Variants in PRH1 observed in about 807,000 individuals in gnomAD.
The protein encoded by PRH1 is salivary acidic proline-rich phosphoprotein 1/2.
Under a neutral mutation model 7.9 loss-of-function variants are expected in PRH1, and 7 were observed. The ratio of observed to expected loss-of-function variants is 0.89; its 90% CI spans 0.50 to 1.67. The LOEUF is 1.67. Among genes scored for constraint, PRH1 ranks in the 40% most tolerant of loss-of-function variants. The pLI is 0.00. For missense variants in PRH1, 109 were observed against 223.6 expected (o/e 0.49, Z 3.27); for synonymous variants, 45 against 80.8 (o/e 0.56, Z 2.38).
intron 2 of PRH1, among the ~76,000 whole-genome samples, chr12:10,926,583 A>G (rs1950126704): frequency 6.6e-6 from 1 of 152,190 alleles, no homozygotes; most frequent in Non-Finnish European, 1.5e-5. Context: ...GAGGGAACTG[A>G]TATGGGATGT....
intron 1 of PRH1, chr12:11,030,771 T>C: frequency 6.2e-7 from 1 of 1,614,072 alleles, no homozygotes; most frequent in Admixed American, 1.7e-5. Context: ...AGGGTCAGAG[T>C]GAAGGGCACT....
At chr12:11,033,576 T>C (rs1435989585) in intron 1 of PRH1, among the ~76,000 whole-genome samples, 3 of 152,056 alleles carry the variant, frequency 2.0e-5, no homozygotes, top group Non-Finnish European at 4.4e-5. Flanking sequence ...AGATGGGGAA[T>C]GGCAAAGGTT....
At chr12:11,135,220 G>A (rs1469065948) in intron 1 of PRH1, among the ~76,000 whole-genome samples, 1 of 152,074 alleles carries the variant, frequency 6.6e-6, no homozygotes. Context: ...ATCACACGAA[G>A]ACTGACTACC....
chr12:10,983,990 G>A (rs1489143767), intron 1 of PRH1, among the ~76,000 whole-genome samples: 2 of 152,094 alleles, frequency 1.3e-5, no homozygotes, highest in Non-Finnish European at 2.9e-5. Context: ...GCATTTTTCT[G>A]TGGGTTTTTA....
At chr12:10,891,167 A>T (rs1156425641) in intron 2 of PRH1, among the ~76,000 whole-genome samples, 1 of 152,186 alleles carries the variant, frequency 6.6e-6, no homozygotes, top group African/African-American at 2.4e-5. Flanking sequence ...GGAAATATAG[A>T]GAAAGTGTCT....
At chr12:11,132,655 G>A (rs1008268950) in intron 1 of PRH1, among the ~76,000 whole-genome samples, 19 of 152,220 alleles carry the variant, frequency 1.2e-4, no homozygotes, top group African/African-American at 4.6e-4. Context: ...ATATTCCTCA[G>A]TACTGTTTAT....
In PRH1 at chr12:10,964,791, AG is replaced by A. The variant is rs1259777586; in HGVS notation, c.-59+8863del. Reference sequence around the variant, plus strand: ...AGAAAAGATAACAGGGACAGAGTAAAGGGTATTAAGTTTGCAAGCGTGGTTA... The same window carrying A: ...AGAAAAGATAACAGGGACAGAGTAAAGGTATTAAGTTTGCAAGCGTGGTTA... On this transcript the variant is annotated intron_variant, in intron 2 of 3. Coordinates refer to the PRH1 transcript ENST00000539853. The A allele has an allele frequency of 1.1e-4, 65 of 591,252 alleles. No homozygotes were observed. The Middle Eastern group carries it at 2.1e-3, about 19-fold the overall frequency. 36.6% of individuals were successfully genotyped at this position (591,252 alleles called of 1,614,324 possible). A position where few individuals can be genotyped will look rare whatever the true frequency, so the allele number is the denominator to read the frequency against.
intron 1 of PRH1, chr12:11,021,690 C>A (rs1941638683): frequency 6.2e-7 from 1 of 1,610,742 alleles, no homozygotes; most frequent in Non-Finnish European, 8.5e-7. Flanking sequence ...TCATCTGCCA[C>A]AAAACTGAAA....
At chr12:10,933,641 T>C (rs190472302) in intron 2 of PRH1, among the ~76,000 whole-genome samples, 2 of 152,198 alleles carry the variant, frequency 1.3e-5, no homozygotes, top group East Asian at 1.9e-4. Flanking sequence ...AACGTTGTCT[T>C]TGATAATATT....
intron 1 of PRH1, among the ~76,000 whole-genome samples, chr12:11,113,898 G>T (rs1945659251): frequency 6.6e-6 from 1 of 151,990 alleles, no homozygotes; most frequent in South Asian, 2.1e-4. Flanking sequence ...AGAAAATATG[G>T]GAAAGAAAGA....
At chr12:11,022,568 T>C (rs1941714625) in intron 1 of PRH1, 2 of 1,601,792 alleles carry the variant, frequency 1.2e-6, no homozygotes, top group Non-Finnish European at 1.7e-6. Context: ...AGAAAACACA[T>C]CATGTTTGAA....
At chr12:10,939,000 C>T (rs755204232) in intron 2 of PRH1, 5 of 1,613,550 alleles carry the variant, frequency 3.1e-6, no homozygotes, top group Non-Finnish European at 4.2e-6. Flanking sequence ...GGGAAAAACA[C>T]AGACACACAC....
intron 1 of PRH1, among the ~76,000 whole-genome samples, chr12:10,991,927 A>C (rs1325797967): frequency 2.0e-5 from 3 of 152,204 alleles, no homozygotes; most frequent in Non-Finnish European, 4.4e-5. Flanking sequence ...GATCTTGCAA[A>C]TGTCAGATTT....
chr12:11,104,161 A>G (rs1211776036), intron 1 of PRH1, among the ~76,000 whole-genome samples: 2 of 150,388 alleles, frequency 1.3e-5, no homozygotes, highest in Non-Finnish European at 3.0e-5. Context: ...CTTCGCACAG[A>G]TAAGATCCAA....
At chr12:11,148,267 A>G (rs1946935691) in intron 1 of PRH1, among the ~76,000 whole-genome samples, 1 of 151,588 alleles carries the variant, frequency 6.6e-6, no homozygotes, top group East Asian at 1.9e-4. Flanking sequence ...TTCCTAATTG[A>G]ATACCCTTTA....
chr12:11,026,781 C>A (rs1462997442), intron 1 of PRH1, among the ~76,000 whole-genome samples: 2 of 152,164 alleles, frequency 1.3e-5, no homozygotes, highest in Admixed American at 6.5e-5. Flanking sequence ...CTAAGCAGAG[C>A]AGAGCTTCTG....
chr12:11,143,223 T>C (rs1946758552), intron 1 of PRH1, among the ~76,000 whole-genome samples: 1 of 152,112 alleles, frequency 6.6e-6, no homozygotes, highest in Non-Finnish European at 1.5e-5. Flanking sequence ...AGGTGTAGAG[T>C]CTTCATTTGT....
chr12:10,922,316 G>C (rs11054078), intron 2 of PRH1, among the ~76,000 whole-genome samples: 71,265 of 151,966 alleles, frequency 0.47, 18,230 homozygotes, highest in African/African-American at 0.68. Context: ...TAATGGATAT[G>C]GATTCTTAGC....
chr12:11,043,754 A>C (rs895016549), intron 1 of PRH1, among the ~76,000 whole-genome samples: 1 of 152,200 alleles, frequency 6.6e-6, no homozygotes, highest in Non-Finnish European at 1.5e-5. Flanking sequence ...AGATCTCTAT[A>C]ATGAAAACTA....
Sources: gnomAD v4.1 joint callset for allele counts (sites outside exome capture counted in the v4.1 genomes callset) on GRCh38, gnomAD v4.1.1 for gene constraint, MANE v1.5 for transcripts, NCBI Gene and HGNC (gene_info 2026-07-23, HGNC 2026-07-21) for gene names.